SLC30A7: variants seen among roughly 807,000 people sequenced by gnomAD.
SLC30A7 encodes solute carrier family 30 member 7, also known as zinc transporter 7.
A neutral mutation model predicts 46.0 loss-of-function variants in SLC30A7; 35 were observed. The observed-to-expected ratio is 0.76, with a 90% CI of 0.58 to 1.01. SLC30A7 has a LOEUF of 1.01. SLC30A7 is among the 50% of genes least tolerant of loss of function. SLC30A7 has a pLI of 0.00. For synonymous variants in SLC30A7, 147 were observed against 157.8 expected (o/e 0.93, Z 0.51); for missense variants, 464 against 451.1 (o/e 1.03, Z -0.26).
chr1:100,931,719 A>G (rs1391819840), intron 8 of SLC30A7, among the ~76,000 whole-genome samples: 1 of 152,230 alleles, frequency 6.6e-6, no homozygotes, highest in African/African-American at 2.4e-5. Flanking sequence ...CAATTTGTAA[A>G]TTAGGAGTCT....
chr1:100,940,510 A>G (rs972751893), intron 8 of SLC30A7, among the ~76,000 whole-genome samples: 1 of 152,234 alleles, frequency 6.6e-6, no homozygotes, highest in African/African-American at 2.4e-5. Context: ...GGCCACTTAG[A>G]TCATGAAGGA....
At chr1:100,942,810 A>T (rs1213584910) in intron 8 of SLC30A7, among the ~76,000 whole-genome samples, 1 of 152,226 alleles carries the variant, frequency 6.6e-6, no homozygotes, top group African/African-American at 2.4e-5. Flanking sequence ...TTCATCTTAG[A>T]CATGATAGTC....
rs1656427217 is a variant in SLC30A7, at chr1:100,975,664, A to C, written c.*807A>C. The C allele has an allele frequency of 6.6e-6, 1 of 152,214 alleles. No homozygotes were observed. Among genetic ancestry groups the C allele is most frequent in the African/African-American group, 2.4e-5 (1 of 41,368 alleles). 9.4% of individuals were successfully genotyped at this position (152,214 alleles called of 1,614,324 possible). A position where few individuals can be genotyped will look rare whatever the true frequency, so the allele number is the denominator to read the frequency against. ...TGCCTCAGCCTTCTGAGTAGCTGCGACTATGGGCGTGTGCCACCATGCCCA... is the reference window on the plus strand; with the variant it reads ...TGCCTCAGCCTTCTGAGTAGCTGCGCCTATGGGCGTGTGCCACCATGCCCA... On this transcript the variant is annotated 3_prime_UTR_variant, in exon 11 of 11. Transcript: ENST00000357650.
chr1:100,901,718 A>T (rs1468686256), intron 2 of SLC30A7, among the ~76,000 whole-genome samples: 4 of 152,220 alleles, frequency 2.6e-5, no homozygotes, highest in Non-Finnish European at 5.9e-5. Context: ...TGCTGGGATT[A>T]TAGGCACGAG....
intron 8 of SLC30A7, among the ~76,000 whole-genome samples, chr1:100,937,511 A>T (rs1654043928): frequency 6.6e-6 from 1 of 152,156 alleles, no homozygotes; most frequent in African/African-American, 2.4e-5. Flanking sequence ...CAGAAAACCC[A>T]TTAACGTAAT....
chr1:100,963,223 ACTCTTTTAG>A (rs1206647314), intron 9 of SLC30A7, among the ~76,000 whole-genome samples: 1 of 152,118 alleles, frequency 6.6e-6, no homozygotes, highest in Non-Finnish European at 1.5e-5. Context: ...TTCTAGTTCT[ACTCTTTTAG>A]CTCTGCTTTC....
At chr1:100,905,049 G>A (rs1032276577) in intron 2 of SLC30A7, among the ~76,000 whole-genome samples, 3 of 151,858 alleles carry the variant, frequency 2.0e-5, no homozygotes, top group African/African-American at 7.3e-5. Flanking sequence ...TTCTTAGTGG[G>A]TGCTTTAGTA....
In SLC30A7 at chr1:100,977,261, G is replaced by A. The variant is rs1313540047; in HGVS notation, c.*2404G>A. On this transcript the variant is annotated 3_prime_UTR_variant, in exon 11 of 11. Coordinates refer to ENST00000357650, the MANE Select transcript of SLC30A7 (RefSeq NM_133496.5). ...AAAATATGAATCATTTTATTTGACT[G>A]TACTATCAGTACACAAATGCATGAG... 6.6e-6 allele frequency: 1 copy of A among 152,152 alleles called. No individual in the cohort carries two copies. Among genetic ancestry groups the A allele is most frequent in the Non-Finnish European group, 1.5e-5 (1 of 68,030 alleles). The allele number at this position is 152,152 out of a possible 1,614,324, so 9.4% of individuals were successfully genotyped here.
At chr1:100,984,772 G>A (rs1282832756), downstream of SLC30A7, among the ~76,000 whole-genome samples, 1 of 152,172 alleles carries the variant, frequency 6.6e-6, no homozygotes, top group African/African-American at 2.4e-5. Flanking sequence ...TTGATAAAGT[G>A]CTGCAAAAAA....
chr1:100,910,492 A>G (rs997886760), intron 3 of SLC30A7, among the ~76,000 whole-genome samples: 1 of 152,148 alleles, frequency 6.6e-6, no homozygotes, highest in African/African-American at 2.4e-5. Context: ...TTTATGCTAG[A>G]TTTATTAATC....
At chr1:100,965,975 T>G in intron 10 of SLC30A7, 57 bp downstream of exon 10, 2 of 1,477,030 alleles carry the variant, frequency 1.4e-6, no homozygotes, top group Non-Finnish European at 1.8e-6. Flanking sequence ...TAACTAGTAG[T>G]TTTAAAAATA....
At chr1:100,982,419 C>T (rs1656996115), downstream of SLC30A7, among the ~76,000 whole-genome samples, 1 of 152,196 alleles carries the variant, frequency 6.6e-6, no homozygotes, top group East Asian at 1.9e-4. Flanking sequence ...CTTCTCGTCA[C>T]ATTCATGGCA....
At chr1:100,900,055 T>C (rs916706964) in intron 2 of SLC30A7, among the ~76,000 whole-genome samples, 3 of 152,018 alleles carry the variant, frequency 2.0e-5, no homozygotes, top group African/African-American at 7.2e-5. Flanking sequence ...TCTTCTATAG[T>C]TGGAAAATTG....
chr1:100,968,343 C>T (rs1655972187), intron 10 of SLC30A7, among the ~76,000 whole-genome samples: 1 of 151,906 alleles, frequency 6.6e-6, no homozygotes, highest in Non-Finnish European at 1.5e-5. Context: ...TGCCTGTAAT[C>T]CCAGTCACTC....
Position 100,906,943 on chromosome 1 carries a change from G to A in SLC30A7, c.274G>A (p.Asp92Asn). 6.2e-7 allele frequency: 1 copy of A among 1,609,854 alleles called. No individual in the cohort carries two copies. Among genetic ancestry groups the A allele is most frequent in the African/African-American group, 1.3e-5 (1 of 74,894 alleles). Reference sequence around the variant, plus strand: ...AGCTTCTGTTATTTCAAAATGGAGAGATAATGATGCTTTCTCCTATGGGTA... The same window carrying A: ...AGCTTCTGTTATTTCAAAATGGAGAAATAATGATGCTTTCTCCTATGGGTA... The part of the protein sequence containing the change: ...LAASVISKWR[D>N]NDAFSYGYVR... Residue 92 changes from aspartate to asparagine, a missense_variant, in exon 3 of 11, where the codon GAT (aspartate) becomes AAT (asparagine). Physicochemically the swap from Asp to Asn is conservative, Grantham distance 23. Transcript: ENST00000357650.
At chr1:100,972,054 A>T (rs1406219770) in intron 10 of SLC30A7, among the ~76,000 whole-genome samples, 1 of 152,156 alleles carries the variant, frequency 6.6e-6, no homozygotes, top group African/African-American at 2.4e-5. Context: ...CAGGATATGC[A>T]GTGAGTACTA....
At chr1:100,917,780 A>C (rs1486789191) in intron 6 of SLC30A7, among the ~76,000 whole-genome samples, 1 of 152,182 alleles carries the variant, frequency 6.6e-6, no homozygotes, top group Non-Finnish European at 1.5e-5. Context: ...AAGAGTATTA[A>C]AAGATATTTT....
chr1:100,928,146 G>A (rs915833029), intron 8 of SLC30A7, among the ~76,000 whole-genome samples: 1 of 152,186 alleles, frequency 6.6e-6, no homozygotes, highest in Non-Finnish European at 1.5e-5. Context: ...GGGCAATCAG[G>A]AATTGTAACC....
downstream of SLC30A7, among the ~76,000 whole-genome samples, chr1:100,984,014 G>A (rs1657131119): frequency 6.6e-6 from 1 of 152,158 alleles, no homozygotes; most frequent in African/African-American, 2.4e-5. Context: ...AGGTCATATT[G>A]GTTTCTACAG....
Sources: gnomAD v4.1 joint callset for allele counts (sites outside exome capture counted in the v4.1 genomes callset) on GRCh38, gnomAD v4.1.1 for gene constraint, MANE v1.5 for transcripts, NCBI Gene and HGNC (gene_info 2026-07-23, HGNC 2026-07-21) for gene names.